The following TTK variants were observed in gnomAD, a reference collection of about 807,000 sequenced individuals.
TTK encodes TTK protein kinase, also known as dual specificity protein kinase TTK.
A neutral mutation model predicts 117.3 loss-of-function variants in TTK; 59 were observed. That is an observed-to-expected ratio of 0.50 (90% confidence interval 0.41 to 0.62). TTK has a LOEUF of 0.62. Among genes scored for constraint, TTK ranks in the 20% least tolerant of loss-of-function variants. TTK has a pLI of 0.00. For missense variants in TTK, 921 were observed against 989.4 expected (o/e 0.93, Z 0.93); for synonymous variants, 302 against 325.0 (o/e 0.93, Z 0.76).
Position 80,042,138 on chromosome 6 carries a change from G to A in TTK, c.2510G>A (p.Ser837Asn), listed in dbSNP as rs1768064241. 6.2e-7 allele frequency: 1 copy of A among 1,600,466 alleles called. No homozygotes were observed. The highest frequency in any genetic ancestry group is 1.3e-5 in the African/African-American group (1 of 74,272). The change falls in exon 22 of 22, where the codon AGT (serine) becomes AAT (asparagine). Residue 837 changes from serine to asparagine, a missense_variant. Physicochemically the swap from Ser to Asn is conservative, Grantham distance 46 (BLOSUM62 1). Transcript: ENST00000369798. Reference protein sequence around the residue: ...KAAKTLYEHYSGGESHNSSSS... With the variant: ...KAAKTLYEHYNGGESHNSSSS... ...TTTCAGACTTTATATGAACACTATA[G>A]TGGTGGTGAAAGTCATAATTCTTCA...
intron 8 of TTK, 50 bp downstream of exon 8, chr6:80,012,030 A>G: frequency 1.4e-6 from 2 of 1,450,946 alleles, no homozygotes; most frequent in Non-Finnish European, 9.4e-7. Flanking sequence ...GGGAAGATTA[A>G]TGGCAGAATG....
chr6:80,019,274 C>CAA (rs946963044), intron 10 of TTK, among the ~76,000 whole-genome samples: 17 of 152,082 alleles, frequency 1.1e-4, no homozygotes, highest in Admixed American at 1.1e-3. Context: ...GCTTGCTACT[C>CAA]AGAGGCAAAA....
At chr6:80,006,894 A>C (rs920685290) in intron 2 of TTK, among the ~76,000 whole-genome samples, 3 of 152,204 alleles carry the variant, frequency 2.0e-5, no homozygotes, top group Non-Finnish European at 4.4e-5. Flanking sequence ...TTTATTTATA[A>C]AAGTAAAGAT....
Position 80,005,827 on chromosome 6 carries a change from C to G in TTK, c.-2-15C>G. 1 of 1,610,382 alleles carries G rather than the reference C, an allele frequency of 6.2e-7. No homozygotes were observed. The highest frequency in any genetic ancestry group is 8.5e-7 in the Non-Finnish European group (1 of 1,178,978). ...AGTTAAAGTAGGAGTTATGACTGTT[C>G]AGTTTTTTTCTTAGAAATGGAATCC... On this transcript the variant is annotated splice_polypyrimidine_tract_variant and intron_variant, in intron 1 of 21. Coordinates refer to ENST00000369798, the MANE Select transcript of TTK (RefSeq NM_003318.5).
At chr6:80,037,001 C>T (rs924841616) in intron 17 of TTK, among the ~76,000 whole-genome samples, 11 of 152,066 alleles carry the variant, frequency 7.2e-5, no homozygotes, top group Admixed American at 1.3e-4. Flanking sequence ...CGACCTTTTC[C>T]TATCACTGAA....
intron 4 of TTK, among the ~76,000 whole-genome samples, chr6:80,009,527 T>G (rs1051524578): frequency 1.3e-5 from 2 of 152,050 alleles, no homozygotes; most frequent in African/African-American, 4.8e-5. Flanking sequence ...TTTCTCTCCA[T>G]TCTGCTTGAA....
intron 11 of TTK, among the ~76,000 whole-genome samples, chr6:80,025,082 C>T (rs186041243): frequency 4.7e-4 from 71 of 152,324 alleles, no homozygotes; most frequent in African/African-American, 1.6e-3. Context: ...CTTCGTGTCT[C>T]ATGACCATTT....
intron 13 of TTK, among the ~76,000 whole-genome samples, chr6:80,030,832 C>G (rs563913334): frequency 2.1e-4 from 32 of 152,230 alleles, no homozygotes; most frequent in Non-Finnish European, 2.8e-4. Flanking sequence ...GACTTTGGAG[C>G]TCTTAGCACC....
chr6:80,024,415 C>G (rs1404364673), intron 11 of TTK, among the ~76,000 whole-genome samples: 1 of 152,024 alleles, frequency 6.6e-6, no homozygotes, highest in African/African-American at 2.4e-5. Context: ...GAATGTTAAT[C>G]AACAATAAAC....
intron 12 of TTK, among the ~76,000 whole-genome samples, chr6:80,027,221 CTTAAAGATT>C (rs1346596092): frequency 2.6e-5 from 4 of 152,052 alleles, no homozygotes; most frequent in Non-Finnish European, 5.9e-5. Context: ...TAGAACTGGT[CTTAAAGATT>C]TTATAACCCA....
chr6:80,032,992 ACT>A (rs1183973956), intron 14 of TTK, among the ~76,000 whole-genome samples: 14 of 152,118 alleles, frequency 9.2e-5, no homozygotes, highest in Middle Eastern at 3.4e-3. Flanking sequence ...TTAGCAATTG[ACT>A]CTCTGCAATA....
In TTK at chr6:80,036,565, A is replaced by G. The variant is rs1767911477; in HGVS notation, c.2015A>G (p.Gln672Arg). 1.2e-6 allele frequency: 2 copies of G among 1,611,282 alleles called. No individual in the cohort carries two copies. The highest frequency in any genetic ancestry group is 2.7e-5 in the African/African-American group (2 of 74,818). The change falls in exon 17 of 22, where the codon CAA becomes CGA. Residue 672 changes from glutamine (Q) to arginine (R), a missense_variant. Physicochemically the swap from Gln to Arg is conservative, Grantham distance 43. Coordinates refer to ENST00000369798, the MANE Select transcript of TTK (RefSeq NM_003318.5). ...GATTTTGGGATTGCAAACCAAATGC[A>G]ACCAGATACAACAAGTGTTGTTAAA... ...LIDFGIANQM[Q>R]PDTTSVVKDS...
At chr6:80,032,242 T>A (rs1582109725) in intron 14 of TTK, among the ~76,000 whole-genome samples, 1 of 152,176 alleles carries the variant, frequency 6.6e-6, no homozygotes, top group African/African-American at 2.4e-5. Flanking sequence ...TACTTAGCAT[T>A]TGGGACAACT....
intron 12 of TTK, among the ~76,000 whole-genome samples, chr6:80,026,861 G>A (rs1366013493): frequency 6.6e-6 from 1 of 152,132 alleles, no homozygotes; most frequent in African/African-American, 2.4e-5. Context: ...CATTCTTAGA[G>A]CAGATAAAGA....
chr6:80,038,679 C>T (rs534887780), intron 18 of TTK, among the ~76,000 whole-genome samples: 44 of 152,214 alleles, frequency 2.9e-4, no homozygotes, highest in Non-Finnish European at 5.1e-4. Flanking sequence ...TTATTTTCCT[C>T]CTTAGAAAAT....
chr6:80,014,493 C>T lies in TTK; in HGVS notation c.1015C>T (p.Leu339=). The T allele has an allele frequency of 6.2e-7, 1 of 1,609,160 alleles. No individual in the cohort carries two copies. Among genetic ancestry groups the T allele is most frequent in the Non-Finnish European group, 8.5e-7 (1 of 1,177,662 alleles). ...SVQNSHFKEP[L]VSDEKSSELI... is the part of the protein sequence containing the mutation. ...TCAAAATAGTCATTTCAAGGAACCT[C>T]TGGTGTCAGATGAAAAGAGTTCTGA... The change falls in exon 10 of 22, where the codon CTG becomes TTG. Residue 339 remains leucine (L), a synonymous_variant. Coordinates refer to ENST00000369798, the MANE Select transcript of TTK (RefSeq NM_003318.5).
intron 10 of TTK, among the ~76,000 whole-genome samples, chr6:80,018,511 C>T (rs1327463604): frequency 6.6e-6 from 1 of 150,916 alleles, no homozygotes; most frequent in Non-Finnish European, 1.5e-5. Flanking sequence ...GTAATCCCAG[C>T]TAATCGGGAA....
intron 2 of TTK, among the ~76,000 whole-genome samples, chr6:80,006,692 G>A (rs1767003284): frequency 1.3e-5 from 2 of 152,080 alleles, no homozygotes; most frequent in African/African-American, 4.8e-5. Context: ...GGAAGAATAG[G>A]GTACTCAGGC....
intron 13 of TTK, among the ~76,000 whole-genome samples, chr6:80,030,257 C>T (rs1286050862): frequency 6.6e-6 from 1 of 152,126 alleles, no homozygotes; most frequent in African/African-American, 2.4e-5. Context: ...AATAAGTCCT[C>T]TCAGCACTCC....
Sources: allele counts gnomAD v4.1 joint callset (sites outside exome capture counted in the v4.1 genomes callset), GRCh38; gene constraint gnomAD v4.1.1; transcripts MANE v1.5; gene names NCBI Gene and HGNC (gene_info 2026-07-23, HGNC 2026-07-21).